The following AHCYL2 variants were observed in gnomAD, a reference collection of about 807,000 sequenced individuals.
AHCYL2 encodes the protein adenosylhomocysteinase like 2.
Under a neutral mutation model 81.4 loss-of-function variants are expected in AHCYL2, and 28 were observed. The observed-to-expected ratio is 0.34, with a 90% CI of 0.25 to 0.47. The LOEUF (loss-of-function observed/expected upper bound fraction) is 0.47, where lower values mean the gene tolerates loss of function less well. AHCYL2 is among the 20% of genes least tolerant of loss of function. The pLI is 1.00. For missense variants in AHCYL2, 551 were observed against 785.1 expected (o/e 0.70, Z 3.56); for synonymous variants, 272 against 290.2 (o/e 0.94, Z 0.64).
intron 1 of AHCYL2, among the ~76,000 whole-genome samples, chr7:129,342,818 G>A (rs993509516): frequency 1.3e-5 from 2 of 152,202 alleles, no homozygotes; most frequent in Admixed American, 1.3e-4. Context: ...ACATCATCTT[G>A]TGCTTCATTC....
intron 1 of AHCYL2, chr7:129,375,551 A>C: frequency 9.0e-7 from 1 of 1,106,778 alleles, no homozygotes; most frequent in Non-Finnish European, 1.1e-6. Context: ...GGGCCTTGTC[A>C]AGGGACTTGC....
chr7:129,339,636 A>G (rs577690215), intron 1 of AHCYL2, among the ~76,000 whole-genome samples: 2 of 151,506 alleles, frequency 1.3e-5, no homozygotes, highest in African/African-American at 2.4e-5. Context: ...GGCTCAAGCA[A>G]TCCTCCCACT....
chr7:129,378,086 G>A (rs1794774922), intron 1 of AHCYL2, among the ~76,000 whole-genome samples: 1 of 152,164 alleles, frequency 6.6e-6, no homozygotes, highest in South Asian at 2.1e-4. Context: ...GGCCAAGGCA[G>A]GTGGATCACA....
At chr7:129,256,536 C>T (rs1280602349) in intron 1 of AHCYL2, among the ~76,000 whole-genome samples, 1 of 4,904 alleles carries the variant, frequency 2.0e-4, no homozygotes, top group African/African-American at 2.4e-4. Flanking sequence ...TTGCTTCCCG[C>T]CCCCCACCCC....
At chr7:129,375,544 C>A in intron 1 of AHCYL2, 1 of 1,055,824 alleles carries the variant, frequency 9.5e-7, no homozygotes, top group Non-Finnish European at 1.2e-6. Flanking sequence ...GCAAGTTGGG[C>A]CTTGTCAAGG....
At chr7:129,230,573 CTTTT>C (rs536458674) in intron 1 of AHCYL2, among the ~76,000 whole-genome samples, 1 of 135,054 alleles carries the variant, frequency 7.4e-6, no homozygotes, top group Non-Finnish European at 1.6e-5. Flanking sequence ...CCTTCTAAAT[CTTTT>C]TTTTTTTTTT....
intron 3 of AHCYL2, 47 bp from the exon 4 acceptor site, chr7:129,389,587 C>A: frequency 6.9e-7 from 1 of 1,450,830 alleles, no homozygotes; most frequent in Non-Finnish European, 9.5e-7. Context: ...TCTTTTATCT[C>A]TTATTCCTTC....
At chr7:129,333,540 T>A (rs1334521176) in intron 1 of AHCYL2, among the ~76,000 whole-genome samples, 1 of 152,046 alleles carries the variant, frequency 6.6e-6, no homozygotes, top group Non-Finnish European at 1.5e-5. Context: ...ATTATAAATA[T>A]TGATTAGGGG....
intron 1 of AHCYL2, among the ~76,000 whole-genome samples, chr7:129,305,982 G>A (rs1043679461): frequency 6.6e-6 from 1 of 152,170 alleles, no homozygotes; most frequent in Non-Finnish European, 1.5e-5. Context: ...GAGCTCCATT[G>A]TATGTTGTTT....
At chr7:129,408,772 AATAT>A (rs1796421840) in intron 10 of AHCYL2, among the ~76,000 whole-genome samples, 1 of 152,232 alleles carries the variant, frequency 6.6e-6, no homozygotes, top group Non-Finnish European at 1.5e-5. Context: ...GCAGAGCACC[AATAT>A]CCAAAGGTTG....
intron 1 of AHCYL2, among the ~76,000 whole-genome samples, chr7:129,272,969 G>GTGC (rs1434761922): frequency 6.6e-6 from 1 of 151,996 alleles, no homozygotes; most frequent in Non-Finnish European, 1.5e-5. Context: ...GAGTGCAGTG[G>GTGC]TGCTCACTGC....
intron 2 of AHCYL2, among the ~76,000 whole-genome samples, chr7:129,380,421 G>A (rs1465713869): frequency 6.6e-6 from 1 of 152,196 alleles, no homozygotes; most frequent in Non-Finnish European, 1.5e-5. Context: ...TTGCTCTTGT[G>A]TTGGGATGTG....
intron 1 of AHCYL2, among the ~76,000 whole-genome samples, chr7:129,285,904 G>A (rs1448684404): frequency 6.6e-6 from 1 of 151,760 alleles, no homozygotes; most frequent in Non-Finnish European, 1.5e-5. Flanking sequence ...AGAGGCAGGG[G>A]TCTCTCTTTG....
At chr7:129,342,696 GGT>G (rs1793226378) in intron 1 of AHCYL2, among the ~76,000 whole-genome samples, 1 of 152,122 alleles carries the variant, frequency 6.6e-6, no homozygotes, top group African/African-American at 2.4e-5. Context: ...GTTTCAAAGT[GGT>G]AGACCTTATT....
intron 1 of AHCYL2, chr7:129,283,524 T>C (rs898636139): frequency 4.7e-6 from 2 of 426,906 alleles, no homozygotes; most frequent in African/African-American, 4.1e-5. Context: ...GATAAACATA[T>C]AGACTAAATG....
chr7:129,379,486 TTCTTA>T, intron 1 of AHCYL2, 147 bp from the exon 2 acceptor site: 1 of 602,356 alleles, frequency 1.7e-6, no homozygotes, highest in East Asian at 2.9e-5. Context: ...TGAAAAAGTA[TTCTTA>T]TCTTCAAAGG....
intron 1 of AHCYL2, among the ~76,000 whole-genome samples, chr7:129,364,393 C>T (rs1794034460): frequency 6.6e-6 from 1 of 152,220 alleles, no homozygotes; most frequent in Admixed American, 6.5e-5. Context: ...CAAGTTCAAG[C>T]AATTCTCCTG....
At chr7:129,284,907 A>G (rs1796574967) in intron 1 of AHCYL2, among the ~76,000 whole-genome samples, 2 of 152,210 alleles carry the variant, frequency 1.3e-5, no homozygotes, top group Admixed American at 6.5e-5. Flanking sequence ...GTTTTATTTT[A>G]CTAATTTTAT....
intron 1 of AHCYL2, among the ~76,000 whole-genome samples, chr7:129,225,745 C>T (rs905502081): frequency 1.3e-5 from 2 of 152,192 alleles, no homozygotes; most frequent in African/African-American, 4.8e-5. Context: ...CCCCAACACG[C>T]TCCCGGGTGT....
Sources: gnomAD v4.1 joint callset for allele counts (sites outside exome capture counted in the v4.1 genomes callset) on GRCh38, gnomAD v4.1.1 for gene constraint, MANE v1.5 for transcripts, NCBI Gene and HGNC (gene_info 2026-07-23, HGNC 2026-07-21) for gene names.